The following WWOX variants were observed in gnomAD, a reference collection of about 807,000 sequenced individuals.
The protein encoded by WWOX is WW domain-containing oxidoreductase.
In WWOX, 69 loss-of-function variants were observed where a neutral mutation model predicts 46.2. The ratio of observed to expected loss-of-function variants is 1.49; its 90% CI spans 1.23 to 1.82. The LOEUF (loss-of-function observed/expected upper bound fraction) is 1.82. WWOX is among the 40% of genes most tolerant of loss of function. The pLI, the probability that WWOX is intolerant of heterozygous loss-of-function variation, is 0.00. For missense variants in WWOX, 919 were observed against 542.6 expected (o/e 1.69, Z -6.89); for synonymous variants, 359 against 202.6 (o/e 1.77, Z -6.56).
chr16:78,100,015 C>A (rs2031651189), intron 1 of WWOX, 130 bp downstream of exon 1: 1 of 1,475,078 alleles, frequency 6.8e-7, no homozygotes, highest in Non-Finnish European at 9.0e-7. Context: ...TGTTAAGGAG[C>A]TTCAGGGAAA....
chr16:78,191,987 C>T (rs551429708), intron 5 of WWOX, among the ~76,000 whole-genome samples: 2 of 152,052 alleles, frequency 1.3e-5, no homozygotes, highest in Non-Finnish European at 2.9e-5. Context: ...TAAAGAATGA[C>T]AAAGATGCGG....
intron 8 of WWOX, among the ~76,000 whole-genome samples, chr16:78,818,325 A>G (rs538847340): frequency 6.6e-6 from 1 of 151,926 alleles, no homozygotes; most frequent in South Asian, 2.1e-4. Context: ...CCACACCATC[A>G]CCCTCTCCAG....
At chr16:78,177,676 T>C (rs2035394331) in intron 5 of WWOX, among the ~76,000 whole-genome samples, 1 of 152,206 alleles carries the variant, frequency 6.6e-6, no homozygotes, top group Non-Finnish European at 1.5e-5. Context: ...CTTAGGAGAA[T>C]AGACTTTATT....
At chr16:78,725,199 T>C (rs1484866069) in intron 8 of WWOX, among the ~76,000 whole-genome samples, 1 of 131,244 alleles carries the variant, frequency 7.6e-6, no homozygotes, top group Admixed American at 7.2e-5. Context: ...CCTACTGCCA[T>C]GTATGATGTG....
At chr16:78,983,380 C>G (rs1490731688) in intron 8 of WWOX, among the ~76,000 whole-genome samples, 1 of 152,180 alleles carries the variant, frequency 6.6e-6, no homozygotes, top group Non-Finnish European at 1.5e-5. Flanking sequence ...GCATTGCATT[C>G]TCCTTGGATA....
At chr16:78,879,046 C>T (rs1006043562) in intron 8 of WWOX, among the ~76,000 whole-genome samples, 1 of 151,702 alleles carries the variant, frequency 6.6e-6, no homozygotes, top group Non-Finnish European at 1.5e-5. Context: ...CACCCTGGAT[C>T]TGGAAGGAAG....
chr16:78,833,356 C>G (rs945739397), intron 8 of WWOX, among the ~76,000 whole-genome samples: 3 of 152,110 alleles, frequency 2.0e-5, no homozygotes. Flanking sequence ...TCAACTTGCA[C>G]TCTTTCCTGC....
intron 8 of WWOX, among the ~76,000 whole-genome samples, chr16:79,055,690 A>G (rs1207825131): frequency 6.6e-6 from 1 of 152,232 alleles, no homozygotes; most frequent in East Asian, 1.9e-4. Context: ...ACCAGAGCAA[A>G]CACCCAAGGG....
At chr16:79,108,039 A>T (rs1231883431) in intron 8 of WWOX, among the ~76,000 whole-genome samples, 2 of 152,246 alleles carry the variant, frequency 1.3e-5, no homozygotes, top group African/African-American at 2.4e-5. Flanking sequence ...TGAGAACTGC[A>T]TGCTGACATT....
chr16:78,578,009 A>C (rs928351956), intron 8 of WWOX, among the ~76,000 whole-genome samples: 5 of 152,116 alleles, frequency 3.3e-5, no homozygotes, highest in South Asian at 2.1e-4. Context: ...CAGATTTCAG[A>C]GGAAAAAAGT....
intron 8 of WWOX, chr16:78,553,169 T>G (rs1308036316): frequency 2.0e-5 from 3 of 152,242 alleles, no homozygotes; most frequent in Non-Finnish European, 4.4e-5. Context: ...GAATAGCTAA[T>G]GGATGTTGGG....
intron 5 of WWOX, among the ~76,000 whole-genome samples, chr16:78,195,913 T>C (rs2151768942): frequency 6.6e-6 from 1 of 152,194 alleles, no homozygotes; most frequent in East Asian, 1.9e-4. Context: ...ACTGGGCTTT[T>C]GAATTTATTT....
At chr16:78,748,891 A>G (rs1056645898) in intron 8 of WWOX, among the ~76,000 whole-genome samples, 4 of 152,222 alleles carry the variant, frequency 2.6e-5, no homozygotes, top group Admixed American at 1.3e-4. Context: ...ATTGATTTGC[A>G]AAGCAGCCTG....
intron 8 of WWOX, among the ~76,000 whole-genome samples, chr16:78,531,539 T>C (rs1408203914): frequency 6.6e-6 from 1 of 152,084 alleles, no homozygotes; most frequent in Non-Finnish European, 1.5e-5. Context: ...GTTGGATAGT[T>C]AGAATGAGAT....
chr16:78,784,183 C>T (rs1279825741), intron 8 of WWOX, among the ~76,000 whole-genome samples: 4 of 152,140 alleles, frequency 2.6e-5, no homozygotes, highest in African/African-American at 9.7e-5. Flanking sequence ...GTAACGTGCA[C>T]ATCATTCAAT....
chr16:78,702,708 C>A (rs1386358614), intron 8 of WWOX, among the ~76,000 whole-genome samples: 2 of 151,530 alleles, frequency 1.3e-5, no homozygotes, highest in Non-Finnish European at 2.9e-5. Context: ...GGGAGAAAGC[C>A]AAAGGTTAGA....
intron 6 of WWOX, among the ~76,000 whole-genome samples, chr16:78,400,788 C>T (rs144053947): frequency 1.8e-4 from 27 of 151,392 alleles, no homozygotes; most frequent in African/African-American, 6.3e-4. Context: ...ACACTGTTAC[C>T]CCTCAATCAA....
chr16:78,936,782 T>C (rs918442150), intron 8 of WWOX, among the ~76,000 whole-genome samples: 1 of 152,186 alleles, frequency 6.6e-6, no homozygotes, highest in Admixed American at 6.5e-5. Flanking sequence ...AAGTCAGTGC[T>C]ACCGTTTGAA....
intron 5 of WWOX, among the ~76,000 whole-genome samples, chr16:78,205,114 T>C: frequency 6.6e-6 from 1 of 152,166 alleles, no homozygotes; most frequent in Non-Finnish European, 1.5e-5. Flanking sequence ...AGGAGTTGGA[T>C]ATTAAAGAAC....
Sources: gnomAD v4.1 joint callset for allele counts (sites outside exome capture counted in the v4.1 genomes callset) on GRCh38, gnomAD v4.1.1 for gene constraint, MANE v1.5 for transcripts, NCBI Gene and HGNC (gene_info 2026-07-23, HGNC 2026-07-21) for gene names.